Variants in CLRN1 observed in about 807,000 individuals in gnomAD.
CLRN1 encodes clarin 1, also known as clarin-1.
A neutral mutation model predicts 18.7 loss-of-function variants in CLRN1; 15 were observed. That is an observed-to-expected ratio of 0.80 (90% CI 0.54 to 1.23). The LOEUF (loss-of-function observed/expected upper bound fraction) is 1.23. Ranked by LOEUF, CLRN1 falls within the 50% of genes most tolerant of loss-of-function variation. CLRN1 has a pLI of 0.00. For missense variants in CLRN1, 311 were observed against 277.5 expected (o/e 1.12, Z -0.86); for synonymous variants, 104 against 102.9 (o/e 1.01, Z -0.07).
chr3:150,930,221 A>T (rs758909473), intron 2 of CLRN1, among the ~76,000 whole-genome samples: 24 of 152,130 alleles, frequency 1.6e-4, no homozygotes, highest in Non-Finnish European at 3.1e-4. Flanking sequence ...GAGCTATAGG[A>T]AAAGTTAGCT....
intron 1 of CLRN1, among the ~76,000 whole-genome samples, chr3:150,967,758 C>A (rs1715336492): frequency 6.6e-6 from 1 of 152,154 alleles, no homozygotes; most frequent in South Asian, 2.1e-4. Flanking sequence ...CAGCAAGAGA[C>A]AAGAGTCACA....
At chr3:150,956,289 A>G (rs941295195) in intron 1 of CLRN1, among the ~76,000 whole-genome samples, 1 of 152,190 alleles carries the variant, frequency 6.6e-6, no homozygotes, top group Non-Finnish European at 1.5e-5. Flanking sequence ...GTTGTGGTAT[A>G]GATACAAGGT....
intron 1 of CLRN1, among the ~76,000 whole-genome samples, chr3:150,956,486 A>G (rs1341270350): frequency 6.6e-6 from 1 of 152,204 alleles, no homozygotes; most frequent in Non-Finnish European, 1.5e-5. Flanking sequence ...GCAGAACAGA[A>G]GGCACCTAAG....
At chr3:150,955,725 T>C (rs1714705553) in intron 1 of CLRN1, among the ~76,000 whole-genome samples, 1 of 152,184 alleles carries the variant, frequency 6.6e-6, no homozygotes, top group Non-Finnish European at 1.5e-5. Flanking sequence ...GACAAAGCTC[T>C]TTTTTGTTTT....
intron 1 of CLRN1, among the ~76,000 whole-genome samples, chr3:150,968,171 A>T (rs1305649001): frequency 6.6e-6 from 1 of 152,192 alleles, no homozygotes; most frequent in African/African-American, 2.4e-5. Flanking sequence ...GGAATGATTG[A>T]TACCATATGA....
Position 150,954,789 on chromosome 3 carries a change from T to C in CLRN1, c.254-13028A>G, listed in dbSNP as rs12633620. 4.9e-4 allele frequency among the ~76,000 whole-genome samples: 75 copies of C among 152,344 alleles called. 1 individual carries two copies. In the East Asian group the frequency reaches 0.012, roughly 25 times the overall value. ...CTTTCAGGTTATTTTTTGTGTATGG[T>C]ACAAGTTTGAGTCAAGGTTAATTTT... On this transcript the variant is annotated intron_variant, in intron 1 of 2. Coordinates refer to ENST00000327047, the MANE Select transcript of CLRN1 (RefSeq NM_174878.3).
chr3:150,941,858 CAT>C (rs1359458757), intron 1 of CLRN1, 97 bp from the exon 2 acceptor site: 8 of 1,129,704 alleles, frequency 7.1e-6, no homozygotes, highest in Non-Finnish European at 1.0e-5. Context: ...TAATTTCAAA[CAT>C]CACTAAAATC....
intron 1 of CLRN1, among the ~76,000 whole-genome samples, chr3:150,954,599 G>A (rs1157365643): frequency 6.6e-6 from 1 of 152,196 alleles, no homozygotes; most frequent in East Asian, 1.9e-4. Flanking sequence ...CTTTTGAAGA[G>A]TAGTTCTTAT....
At chr3:150,959,670 A>G (rs2107979051) in intron 1 of CLRN1, among the ~76,000 whole-genome samples, 1 of 151,968 alleles carries the variant, frequency 6.6e-6, no homozygotes, top group Middle Eastern at 3.4e-3. Context: ...TAATAAGAAT[A>G]AGGTAAAAAG....
chr3:150,926,765 T>C lies in CLRN1; in HGVS notation c.*1171A>G. The C allele has an allele frequency of 6.2e-7, 1 of 1,611,946 alleles. No individual in the cohort carries two copies. Among genetic ancestry groups the C allele is most frequent in the South Asian group, 1.1e-5 (1 of 90,998 alleles). On this transcript the variant is annotated 3_prime_UTR_variant, in exon 3 of 3. Transcript: ENST00000327047. The stretch of plus-strand genomic sequence containing the variant: ...TCAGCACCTGTGGTCAGAGGCCTAG[T>C]GATCTGTTTGCTGTCATTCTCTGCT...
At chr3:150,964,615 T>C (rs1715179191) in intron 1 of CLRN1, among the ~76,000 whole-genome samples, 2 of 152,226 alleles carry the variant, frequency 1.3e-5, no homozygotes, top group Non-Finnish European at 2.9e-5. Flanking sequence ...CATATGTTTA[T>C]TGCAGCACTG....
intron 1 of CLRN1, among the ~76,000 whole-genome samples, chr3:150,953,498 A>T (rs1016982917): frequency 3.9e-5 from 6 of 152,184 alleles, no homozygotes; most frequent in African/African-American, 1.4e-4. Context: ...AAGAAAAAAA[A>T]GCCAATAATT....
At chr3:150,970,373 G>C (rs1030919629) in intron 1 of CLRN1, among the ~76,000 whole-genome samples, 1 of 152,130 alleles carries the variant, frequency 6.6e-6, no homozygotes, top group Non-Finnish European at 1.5e-5. Context: ...TGTCCCAAAG[G>C]CATGTTGATT....
intron 1 of CLRN1, 40 bp downstream of exon 1, chr3:150,972,416 G>C: frequency 6.2e-7 from 1 of 1,613,860 alleles, no homozygotes; most frequent in Non-Finnish European, 8.5e-7. Context: ...GGAAGAGTCT[G>C]CCTAAAGCAT....
intron 2 of CLRN1, among the ~76,000 whole-genome samples, chr3:150,939,981 G>A (rs559177067): frequency 9.9e-5 from 15 of 152,218 alleles, no homozygotes; most frequent in South Asian, 8.3e-4. Context: ...GCTTCAAAGC[G>A]CCTGTTCTAC....
chr3:150,971,095 G>A (rs1393731760), intron 1 of CLRN1, among the ~76,000 whole-genome samples: 1 of 152,140 alleles, frequency 6.6e-6, no homozygotes, highest in Non-Finnish European at 1.5e-5. Context: ...CTTTACTCAC[G>A]CTTTGGCTGC....
intron 1 of CLRN1, among the ~76,000 whole-genome samples, chr3:150,971,995 T>C (rs969306943): frequency 3.3e-5 from 5 of 152,128 alleles, no homozygotes; most frequent in Admixed American, 6.6e-5. Flanking sequence ...GCAGGAAAGG[T>C]CTTAGCAGGA....
At chr3:150,948,409 G>T (rs1203796668) in intron 1 of CLRN1, among the ~76,000 whole-genome samples, 1 of 147,992 alleles carries the variant, frequency 6.8e-6, no homozygotes, top group Non-Finnish European at 1.5e-5. Context: ...GCGTGAACCC[G>T]GGAGGCGGAG....
chr3:150,946,986 C>T (rs1361380176), intron 1 of CLRN1, among the ~76,000 whole-genome samples: 7 of 146,688 alleles, frequency 4.8e-5, no homozygotes, highest in East Asian at 2.0e-4. Context: ...TCTAAGAAGA[C>T]GATTTTGAGA....
Sources: gnomAD v4.1 joint callset for allele counts (sites outside exome capture counted in the v4.1 genomes callset) on GRCh38, gnomAD v4.1.1 for gene constraint, MANE v1.5 for transcripts, NCBI Gene and HGNC (gene_info 2026-07-23, HGNC 2026-07-21) for gene names.